ANAPC5: variants seen among roughly 807,000 people sequenced by gnomAD.
ANAPC5 encodes the protein anaphase promoting complex subunit 5.
Under a neutral mutation model 91.3 loss-of-function variants are expected in ANAPC5, and 60 were observed. The ratio of observed to expected loss-of-function variants is 0.66; its 90% CI spans 0.53 to 0.81. The LOEUF is 0.81. ANAPC5 is among the 40% of genes least tolerant of loss of function. The probability of loss-of-function intolerance (pLI) is 0.00; values close to 1 mark genes in which losing one functional copy is unlikely to be tolerated. For missense variants in ANAPC5, 690 were observed against 931.5 expected (o/e 0.74, Z 3.37); for synonymous variants, 340 against 364.1 (o/e 0.93, Z 0.75).
At chr12:121,318,190 T>G in intron 15 of ANAPC5, 87 bp downstream of exon 15, 1 of 1,391,602 alleles carries the variant, frequency 7.2e-7, no homozygotes, top group Non-Finnish European at 9.5e-7. Context: ...TGAAAACTCA[T>G]TATTATCCTT....
In ANAPC5 at chr12:121,318,328, G is replaced by A. The variant is rs759087529; in HGVS notation, c.1842C>T (p.Tyr614=). Residue 614 remains tyrosine (Y), a synonymous_variant, in exon 15 of 17, where the codon TAC becomes TAT. Transcript: ENST00000261819. The stretch of plus-strand genomic sequence containing the variant: ...TTTCAGAGGCCAAGTACTGTAACCG[G>A]TACTCCTTGGAGAGGGCCAGAGCCT... ...LLQALALSKE[Y]RLQYLASETV... 7 of 1,600,976 alleles carry A rather than the reference G, an allele frequency of 4.4e-6. No homozygotes were observed. In the African/African-American group the frequency reaches 5.4e-5, roughly 12 times the overall value.
chr12:121,328,367 A>G lies in ANAPC5; in HGVS notation c.1253T>C (p.Ile418Thr). 1 of 1,613,808 alleles carries G rather than the reference A, an allele frequency of 6.2e-7. No homozygotes were observed. The highest frequency in any genetic ancestry group is 8.5e-7 in the Non-Finnish European group (1 of 1,179,984). Residue 418 changes from isoleucine (I) to threonine (T), a missense_variant, in exon 10 of 17, where the codon ATC (isoleucine) becomes ACC (threonine). This residue lies in a region of ANAPC5 where 317 missense variants were observed against 438.7 expected (regional missense o/e 0.72). Transcript: ENST00000261819. ...CGTTTTCTGTGCGATGCTGATATCG[A>G]TGAGCTCTGACAGGCTGTGTTTCCA... ...LHWKHSLSELIDISIAQKTAI... is the reference protein window; with the variant it reads ...LHWKHSLSELTDISIAQKTAI...
intron 15 of ANAPC5, among the ~76,000 whole-genome samples, chr12:121,310,710 G>A (rs1902130852): frequency 6.6e-6 from 1 of 152,142 alleles, no homozygotes. Flanking sequence ...CAGGCGGGCA[G>A]ATCACTTGAG....
intron 15 of ANAPC5, among the ~76,000 whole-genome samples, chr12:121,314,927 A>G (rs1014234835): frequency 7.9e-5 from 12 of 152,170 alleles, no homozygotes; most frequent in African/African-American, 2.7e-4. Flanking sequence ...GAGCCAAGAC[A>G]CACACTTTTG....
At chr12:121,316,804 C>G (rs969894346) in intron 15 of ANAPC5, among the ~76,000 whole-genome samples, 11 of 151,014 alleles carry the variant, frequency 7.3e-5, no homozygotes, top group African/African-American at 2.7e-4. Context: ...TAAAGAGCCG[C>G]TATTCATAAC....
intron 1 of ANAPC5, among the ~76,000 whole-genome samples, chr12:121,351,793 C>A (rs1047554542): frequency 6.6e-6 from 1 of 152,018 alleles, no homozygotes; most frequent in Admixed American, 6.6e-5. Context: ...TTACGGTCCT[C>A]TAGGATAGGG....
chr12:121,312,706 C>CAAAA (rs34791908), intron 15 of ANAPC5, among the ~76,000 whole-genome samples: 31 of 51,686 alleles, frequency 6.0e-4, no homozygotes, highest in African/African-American at 1.6e-3. Flanking sequence ...GACTCTGTCA[C>CAAAA]AAAAAAAAAA....
At chr12:121,338,834 T>A (rs1396453566) in intron 5 of ANAPC5, among the ~76,000 whole-genome samples, 1 of 151,958 alleles carries the variant, frequency 6.6e-6, no homozygotes, top group African/African-American at 2.4e-5. Flanking sequence ...TTATATAAAT[T>A]TACAATATAC....
At chr12:121,317,139 T>C (rs1204574789) in intron 15 of ANAPC5, among the ~76,000 whole-genome samples, 1 of 152,120 alleles carries the variant, frequency 6.6e-6, no homozygotes, top group African/African-American at 2.4e-5. Context: ...TTCTATGTAA[T>C]GAAAATACTC....
chr12:121,316,767 T>C (rs1257118242), intron 15 of ANAPC5, among the ~76,000 whole-genome samples: 2 of 129,326 alleles, frequency 1.5e-5, no homozygotes, highest in South Asian at 2.5e-4. Flanking sequence ...AGAAAACAGG[T>C]GTTCAAACAA....
rs1275783975 is a variant in ANAPC5 at position 121,352,144 on chromosome 12, G to A, written c.197C>T (p.Pro66Leu). Residue 66 changes from proline (P) to leucine (L), a missense_variant, in exon 1 of 17, where the codon CCC becomes CTC. Pro to Leu is a moderately conservative substitution (Grantham distance 98). This residue lies in a region of ANAPC5 where 238 missense variants were observed against 264.9 expected (regional missense o/e 0.90). Transcript: ENST00000261819. ...ERRRLNQLLL[P>L]LLQGPDITLS... ...GCGGGCGCCTCTCACCTGCAGCAGG[G>A]GCAGGAGCAGCTGGTTGAGCCTCCG... 1 of 1,608,606 alleles carries A rather than the reference G, an allele frequency of 6.2e-7. No homozygotes were observed. Among genetic ancestry groups the A allele is most frequent in the Non-Finnish European group, 8.5e-7 (1 of 1,176,094 alleles).
At chr12:121,352,054 C>A in intron 1 of ANAPC5, 80 bp downstream of exon 1, 1 of 1,342,690 alleles carries the variant, frequency 7.4e-7, no homozygotes, top group Non-Finnish European at 1.0e-6. Context: ...ACACGAGTGT[C>A]CCCAAGCCCA....
chr12:121,340,433 A>G (rs1311575140), intron 5 of ANAPC5, among the ~76,000 whole-genome samples: 1 of 152,178 alleles, frequency 6.6e-6, no homozygotes, highest in African/African-American at 2.4e-5. Flanking sequence ...GGTACAAGGT[A>G]AGGTAAGGAA....
intron 13 of ANAPC5, among the ~76,000 whole-genome samples, chr12:121,318,938 T>G (rs1196330246): frequency 6.6e-6 from 1 of 151,994 alleles, no homozygotes; most frequent in African/African-American, 2.4e-5. Context: ...GAGAATCGCT[T>G]GAACCCAGGA....
intron 15 of ANAPC5, among the ~76,000 whole-genome samples, chr12:121,316,477 T>C (rs1240325014): frequency 6.6e-6 from 1 of 152,088 alleles, no homozygotes; most frequent in East Asian, 1.9e-4. Context: ...CTCACGCCTG[T>C]AATCCCAGCA....
At chr12:121,328,126 C>T in intron 10 of ANAPC5, 190 bp downstream of exon 10, 1 of 550,510 alleles carries the variant, frequency 1.8e-6, no homozygotes. Context: ...TAAGAAGGAA[C>T]ATGCATGGGA....
intron 5 of ANAPC5, among the ~76,000 whole-genome samples, chr12:121,340,181 G>A (rs116707883): frequency 0.025 from 3,718 of 151,446 alleles, 86 homozygotes; most frequent in African/African-American, 0.059. Context: ...AGGCAGCTGT[G>A]GTGGCAGGCA....
At position 121,319,704 on chromosome 12, in the gene ANAPC5, C is replaced by T. The variant is rs1902518678; in HGVS notation, c.1630G>A (p.Val544Ile). 1 of 1,605,194 alleles carries T rather than the reference C, an allele frequency of 6.2e-7. No individual in the cohort carries two copies. Among genetic ancestry groups the T allele is most frequent in the Non-Finnish European group, 8.5e-7 (1 of 1,177,544 alleles). Reference protein sequence around the residue: ...GITALNSIEGVYRKAVVLQAQ... With the variant: ...GITALNSIEGIYRKAVVLQAQ... ...GTTTTCAAGGTTTCTTACCTATAAA[C>T]ACCCTCTATGCTATTGAGAGCTGTG... The change falls in exon 13 of 17, where the codon GTT becomes ATT. Residue 544 changes from valine (V) to isoleucine (I), a missense_variant. By Grantham distance (29) the Val-to-Ile change is conservative. Around this residue, in one of 5 missense-constraint regions of ANAPC5, gnomAD observed 317 missense variants for 438.7 expected, o/e 0.72. Coordinates refer to ENST00000261819, the MANE Select transcript of ANAPC5 (RefSeq NM_016237.5).
At position 121,330,599 on chromosome 12, in the gene ANAPC5, A is replaced by C. The variant is rs1282510578; in HGVS notation, c.1106T>G (p.Val369Gly). The C allele has an allele frequency of 6.2e-7, 1 of 1,613,866 alleles. No individual in the cohort carries two copies. The highest frequency in any genetic ancestry group is 2.2e-5 in the East Asian group (1 of 44,874). The part of the protein sequence containing the change: ...VLLEHSVKKA[V>G]HFGLPYLASL... ...GAGCCTTACCGGTAACCCAAAATGT[A>C]CTGCCTTCTTCACAGAATGCTCCAG... The change falls in exon 9 of 17, where the codon GTA becomes GGA. Residue 369 changes from valine (V) to glycine (G), a missense_variant. By Grantham distance (109) the Val-to-Gly change is moderately radical. Around this residue, in one of 5 missense-constraint regions of ANAPC5, gnomAD observed 16 missense variants for 49.5 expected, o/e 0.32. Coordinates refer to ENST00000261819, the MANE Select transcript of ANAPC5 (RefSeq NM_016237.5).
Sources: gnomAD v4.1 joint callset for allele counts (sites outside exome capture counted in the v4.1 genomes callset) on GRCh38, gnomAD v4.1.1 for gene constraint, gnomAD v4.1.1 regional missense constraint, MANE v1.5 for transcripts, NCBI Gene and HGNC (gene_info 2026-07-23, HGNC 2026-07-21) for gene names.